Variants in CPED1 observed in about 807,000 individuals in gnomAD.
CPED1 encodes cadherin-like and PC-esterase domain-containing protein 1.
In CPED1, 114 loss-of-function variants were observed where a neutral mutation model predicts 128.2. The ratio of observed to expected loss-of-function variants is 0.89; its 90% CI spans 0.76 to 1.04. The LOEUF is 1.04. Among genes scored for constraint, CPED1 ranks in the 50% least tolerant of loss-of-function variants. The pLI is 0.00. For synonymous variants in CPED1, 462 were observed against 426.7 expected, an observed-to-expected ratio of 1.08 and a Z score of -1.02; for missense variants, 1,211 against 1,207.1, an observed-to-expected ratio of 1.00 and a Z score of -0.05.
intron 2 of CPED1, among the ~76,000 whole-genome samples, chr7:121,010,812 A>G (rs1792146434): frequency 6.6e-6 from 1 of 152,190 alleles, no homozygotes; most frequent in African/African-American, 2.4e-5. Context: ...TTGGAGAGGG[A>G]CATGCTTTCA....
Position 121,140,469 on chromosome 7 carries a change from A to G in CPED1, c.1700-358A>G, listed in dbSNP as rs533753160. ...ACCATCCCACAGAGCCATCACTCCC[A>G]CTTACATAGTTGCTTGATATATGCA... On this transcript the variant is annotated intron_variant, in intron 14 of 22. Transcript: ENST00000310396. 5.3e-5 allele frequency among the ~76,000 whole-genome samples: 8 copies of G among 152,126 alleles called. No homozygotes were observed. The South Asian group carries it at 1.5e-3, about 28-fold the overall frequency.
Position 121,124,444 on chromosome 7 carries a change from A to G in CPED1, c.1032A>G (p.Thr344=), listed in dbSNP as rs370215040. ...LLLAAEVFSE[T]STLGPKTFHR... ...TAGCGGCTGAAGTATTCAGTGAAAC[A>G]TCTACTCTGGGACCAAAGACCTTCC... Residue 344 remains threonine, a synonymous_variant, in exon 8 of 23, where the codon ACA becomes ACG. Transcript: ENST00000310396. The G allele has an allele frequency of 1.3e-6, 2 of 1,590,912 alleles. No homozygotes were observed. Among genetic ancestry groups the G allele is most frequent in the Admixed American group, 1.7e-5 (1 of 58,030 alleles).
At chr7:120,996,742 A>G (rs41697) in intron 2 of CPED1, among the ~76,000 whole-genome samples, 33,454 of 152,106 alleles carry the variant, frequency 0.22, 3,927 homozygotes, top group African/African-American at 0.26. Context: ...ATCAGATTCC[A>G]AAATCTTAGC....
At chr7:121,012,825 A>T (rs573189683) in intron 2 of CPED1, among the ~76,000 whole-genome samples, 27 of 152,364 alleles carry the variant, frequency 1.8e-4, no homozygotes, top group African/African-American at 6.3e-4. Context: ...GTTATTACCA[A>T]ATATGGCCAA....
intron 16 of CPED1, among the ~76,000 whole-genome samples, chr7:121,167,113 C>T (rs968782161): frequency 7.2e-5 from 11 of 152,202 alleles, no homozygotes; most frequent in Admixed American, 2.6e-4. Context: ...ACAGCAAATG[C>T]TGGTAAAGTG....
intron 13 of CPED1, among the ~76,000 whole-genome samples, chr7:121,134,216 G>A (rs954957277): frequency 3.3e-5 from 5 of 151,902 alleles, no homozygotes; most frequent in South Asian, 2.1e-4. Flanking sequence ...AGAAAATGGG[G>A]GTGTATGTAC....
chr7:121,228,611 A>G (rs1798070376), intron 16 of CPED1, among the ~76,000 whole-genome samples: 1 of 151,842 alleles, frequency 6.6e-6, no homozygotes. Flanking sequence ...TCCAAAATAG[A>G]ATTACCATCC....
intron 5 of CPED1, among the ~76,000 whole-genome samples, chr7:121,078,935 T>G (rs1794209416): frequency 6.6e-6 from 1 of 152,178 alleles, no homozygotes; most frequent in Non-Finnish European, 1.5e-5. Flanking sequence ...AGAGCTGCTT[T>G]CTTCTGGGGC....
At position 120,994,657 on chromosome 7, in the gene CPED1, G is replaced by GTGTGT. The variant is rs148572524; in HGVS notation, c.249+4790_249+4791insGTTGT. Among the ~76,000 whole-genome samples, 21 of 149,304 alleles carry GTGTGT rather than the reference G, an allele frequency of 1.4e-4. No homozygotes were observed. The East Asian group carries it at 3.9e-3, about 28-fold the overall frequency. ...TGTGTGTGTGTGTGTGTGTGTGTGTGTGTTGTTGTTGTTGTTACTGATGGA... is the reference window on the plus strand; with the variant it reads ...TGTGTGTGTGTGTGTGTGTGTGTGTGTGTGTTGTTGTTGTTGTTGTTACTGATGGA... On this transcript the variant is annotated intron_variant, in intron 2 of 22. Transcript: ENST00000310396.
rs1792134092 is a variant in CPED1 at position 121,266,743 on chromosome 7, G to T, written c.2568G>T (p.Leu856Phe). ...RPLENTGQTV[L>F]VVGGVQWLNS... ...TAGAGAATACTGGCCAGACTGTATTGGTTGTTGGTGGTGTTCAGTGGCTTA... is the reference window on the plus strand; with the variant it reads ...TAGAGAATACTGGCCAGACTGTATTTGTTGTTGGTGGTGTTCAGTGGCTTA... Residue 856 changes from leucine (L) to phenylalanine (F), a missense_variant, in exon 20 of 23, where the codon TTG becomes TTT. By Grantham distance (22) the Leu-to-Phe change is conservative. Coordinates refer to ENST00000310396, the MANE Select transcript of CPED1 (RefSeq NM_024913.5). 4.3e-6 allele frequency: 7 copies of T among 1,612,900 alleles called. No homozygotes were observed. The highest frequency in any genetic ancestry group is 3.4e-6 in the Non-Finnish European group (4 of 1,179,244).
chr7:121,154,410 T>C (rs778366967), intron 16 of CPED1, among the ~76,000 whole-genome samples: 1 of 152,212 alleles, frequency 6.6e-6, no homozygotes, highest in Non-Finnish European at 1.5e-5. Context: ...TTCTGTTCAG[T>C]ACAATGTTAG....
intron 7 of CPED1, among the ~76,000 whole-genome samples, chr7:121,114,962 A>G (rs749353020): frequency 1.3e-5 from 2 of 152,216 alleles, no homozygotes; most frequent in Non-Finnish European, 2.9e-5. Context: ...ATGAATTAAC[A>G]CCTTATGGTT....
chr7:121,216,152 C>T (rs1016905106), intron 16 of CPED1, among the ~76,000 whole-genome samples: 10 of 151,986 alleles, frequency 6.6e-5, no homozygotes, highest in East Asian at 1.9e-4. Context: ...AAGATTCCTA[C>T]GTTACAGTGA....
chr7:121,092,464 A>C (rs1372498972), intron 5 of CPED1, among the ~76,000 whole-genome samples: 1 of 152,164 alleles, frequency 6.6e-6, no homozygotes, highest in East Asian at 1.9e-4. Context: ...GGTGCTTGGC[A>C]CTAGTCATTC....
intron 7 of CPED1, among the ~76,000 whole-genome samples, chr7:121,114,204 T>C (rs61327650): frequency 0.069 from 10,532 of 152,202 alleles, 488 homozygotes; most frequent in African/African-American, 0.11. Context: ...AAGTACAGAT[T>C]CATGATTTAG....
chr7:121,259,268 C>A (rs1030260555), intron 18 of CPED1, among the ~76,000 whole-genome samples: 1 of 151,964 alleles, frequency 6.6e-6, no homozygotes, highest in African/African-American at 2.4e-5. Context: ...CACTTAATGG[C>A]CTGTGAGCAG....
chr7:121,089,419 C>T (rs1794523665), intron 5 of CPED1, among the ~76,000 whole-genome samples: 1 of 151,812 alleles, frequency 6.6e-6, no homozygotes, highest in African/African-American at 2.4e-5. Context: ...CCAAAAATAC[C>T]AGGTAAAAAT....
chr7:121,196,739 C>T (rs946618736), intron 16 of CPED1, among the ~76,000 whole-genome samples: 6 of 152,008 alleles, frequency 3.9e-5, no homozygotes, highest in African/African-American at 1.2e-4. Context: ...TTCTTCAGTT[C>T]CCCGTGCTAC....
intron 13 of CPED1, 86 bp downstream of exon 13, chr7:121,133,979 C>A: frequency 1.4e-6 from 1 of 709,768 alleles, no homozygotes; most frequent in Non-Finnish European, 2.4e-6. Context: ...GCTTCATTAG[C>A]AATCAAAAAT....
Sources: gnomAD v4.1 joint callset for allele counts (sites outside exome capture counted in the v4.1 genomes callset) on GRCh38, gnomAD v4.1.1 for gene constraint, MANE v1.5 for transcripts, NCBI Gene and HGNC (gene_info 2026-07-23, HGNC 2026-07-21) for gene names.